MGAM: variants seen among roughly 807,000 people sequenced by gnomAD.
MGAM encodes the protein alpha-1,4-glucosidase.
In MGAM, 253 loss-of-function variants were observed where a neutral mutation model predicts 358.8. That is an observed-to-expected ratio of 0.71 (90% CI 0.64 to 0.78). The LOEUF (loss-of-function observed/expected upper bound fraction) is 0.78. Ranked by LOEUF, MGAM falls within the 30% of genes least tolerant of loss-of-function variation. The pLI is 0.00. For synonymous variants in MGAM, 1,105 were observed against 1,227.1 expected (o/e 0.90, Z 2.08); for missense variants, 3,080 against 3,432.6 (o/e 0.90, Z 2.57).
rs1815061758 is a variant in MGAM at position 142,088,820 on chromosome 7, A to AT, written c.6810+2103_6810+2104insT. ...ATCTATCATTCTATCCTATCTATGT[A>AT]CCATCTATCTATCTATCTATCTATC... On this transcript the variant is annotated intron_variant, in intron 57 of 70. Coordinates refer to ENST00000475668, the MANE Select transcript of MGAM (RefSeq NM_001365693.1). Among the ~76,000 whole-genome samples the AT allele has an allele frequency of 6.2e-5, 5 of 81,244 alleles. No homozygotes were observed. The East Asian group carries it at 1.1e-3, about 17-fold the overall frequency. The allele number at this position is 81,244 out of a possible 152,430, so 53.3% of individuals were successfully genotyped here. A position where few individuals can be genotyped will look rare whatever the true frequency, so the allele number is the denominator to read the frequency against.
At position 142,021,651 on chromosome 7, in the gene MGAM, T is replaced by C. The variant is rs373544337; in HGVS notation, c.624T>C (p.Asn208=). 8 of 1,613,970 alleles carry C rather than the reference T, an allele frequency of 5.0e-6. No individual in the cohort carries two copies. Among genetic ancestry groups the C allele is most frequent in the Non-Finnish European group, 5.9e-6 (7 of 1,179,820 alleles). ...AACACGTGCAGTCCTTCAGTGGAAA[T>C]GCTGCTGCTTCTTTGACCTACCAAG... ...PHEHVQSFSG[N]AAASLTYQVE... The change falls in exon 6 of 71, where the codon AAT becomes AAC. Residue 208 remains asparagine (N), a synonymous_variant. Transcript: ENST00000475668.
intron 19 of MGAM, among the ~76,000 whole-genome samples, chr7:142,039,390 C>T (rs1019381621): frequency 2.0e-5 from 3 of 151,824 alleles, no homozygotes; most frequent in Non-Finnish European, 4.4e-5. Flanking sequence ...TGTGAGTCAC[C>T]GCGCTTGGCC....
intron 1 of MGAM, among the ~76,000 whole-genome samples, chr7:142,003,988 GA>G (rs1459014394): frequency 2.6e-5 from 4 of 151,950 alleles, no homozygotes; most frequent in African/African-American, 9.7e-5. Context: ...AACCACAAAT[GA>G]GATGATATCT....
rs754704300 is a variant in MGAM at position 142,055,556 on chromosome 7, A to G, written c.3315-2A>G. 4 of 1,613,778 alleles carry G rather than the reference A, an allele frequency of 2.5e-6. No individual in the cohort carries two copies. Among genetic ancestry groups the G allele is most frequent in the African/African-American group, 2.7e-5 (2 of 74,900 alleles). On this transcript the variant is annotated splice_acceptor_variant, in intron 27 of 70. Transcript: ENST00000475668. LOFTEE classifies it high-confidence loss of function. ...TTTCAAATCTGCGTTTTTGTGTTTC[A>G]GTTGGGACTCTCAGCTCCTTGGCTT...
intron 60 of MGAM, among the ~76,000 whole-genome samples, chr7:142,093,897 C>T (rs1184341407): frequency 6.9e-6 from 1 of 145,380 alleles, no homozygotes; most frequent in Non-Finnish European, 1.6e-5. Context: ...GGGCATCTCT[C>T]CCCTTTATTT....
rs781998255 is a variant in MGAM, at chr7:142,031,802, T to C, written c.1584+9T>C. Reference sequence around the variant, plus strand: ...TTGATGGAATCTGGATTGTGAGTTGTTTACACTTGGATTATTAGGTGACAA... The same window carrying C: ...TTGATGGAATCTGGATTGTGAGTTGCTTACACTTGGATTATTAGGTGACAA... On this transcript the variant is annotated intron_variant, in intron 13 of 70. Coordinates refer to ENST00000475668, the MANE Select transcript of MGAM (RefSeq NM_001365693.1). 1.0e-5 allele frequency: 16 copies of C among 1,545,996 alleles called. No homozygotes were observed. Among genetic ancestry groups the C allele is most frequent in the Non-Finnish European group, 1.4e-5 (16 of 1,118,560 alleles).
In MGAM at chr7:142,084,684, C is replaced by A. The variant is rs1271940830; in HGVS notation, c.6507+40C>A. The A allele has an allele frequency of 7.1e-6, 11 of 1,539,330 alleles. 2 individuals carry two copies. Among genetic ancestry groups the A allele is most frequent in the Non-Finnish European group, 9.8e-6 (11 of 1,123,224 alleles). On this transcript the variant is annotated intron_variant, in intron 54 of 70. Coordinates refer to ENST00000475668, the MANE Select transcript of MGAM (RefSeq NM_001365693.1). Reference sequence around the variant, plus strand: ...ATGGCTCTGGAGTTTGAAAACTAACCCAGGTGCCTCTGTGTCTGGCTTCAT... The same window carrying A: ...ATGGCTCTGGAGTTTGAAAACTAACACAGGTGCCTCTGTGTCTGGCTTCAT...
rs1274519612 is a variant in MGAM at position 142,042,661 on chromosome 7, AC to A, written c.2498+1816del. 1.8e-4 allele frequency among the ~76,000 whole-genome samples: 5 copies of A among 27,708 alleles called. 1 individual carries two copies. The highest frequency in any genetic ancestry group is 9.7e-4 in the South Asian group (1 of 1,032). 18.2% of individuals were successfully genotyped at this position (27,708 alleles called of 152,430 possible). Reference sequence around the variant, plus strand: ...ATAATATATAATATATATTATATATACATATTATATATAATATATAATATAT... The same window carrying A: ...ATAATATATAATATATATTATATATAATATTATATATAATATATAATATAT... On this transcript the variant is annotated intron_variant, in intron 21 of 70. Coordinates refer to ENST00000475668, the MANE Select transcript of MGAM (RefSeq NM_001365693.1).
At chr7:142,063,650 C>G in intron 36 of MGAM, 64 bp downstream of exon 36, 2 of 1,557,864 alleles carry the variant, frequency 1.3e-6, no homozygotes, top group South Asian at 1.2e-5. Flanking sequence ...TGGAGGAGCC[C>G]GAGGCCAGGG....
At position 142,066,676 on chromosome 7, in the gene MGAM, A is replaced by T; in HGVS notation, c.4874A>T (p.Lys1625Met). The T allele has an allele frequency of 6.4e-7, 1 of 1,556,036 alleles. No individual in the cohort carries two copies. Among genetic ancestry groups the T allele is most frequent in the African/African-American group, 1.3e-5 (1 of 74,538 alleles). ...LLPYLYTLMQ[K>M]AHTEGVTVVR... ...CCATATCTGTATACCTTGATGCAAA[A>T]GGCCCACACGGAGGGCGTCACTGTT... Residue 1625 changes from lysine (K) to methionine (M), a missense_variant, in exon 41 of 71, where the codon AAG (lysine) becomes ATG (methionine). Transcript: ENST00000475668.
At chr7:142,092,761 G>A (rs1815519390) in intron 59 of MGAM, among the ~76,000 whole-genome samples, 153 bp downstream of exon 59, 1 of 146,744 alleles carries the variant, frequency 6.8e-6, no homozygotes, top group African/African-American at 2.4e-5. Flanking sequence ...CTCTGCACGC[G>A]CTTTACCCAG....
chr7:142,043,011 AAT>A (rs1339836636), intron 21 of MGAM, among the ~76,000 whole-genome samples: 1 of 96,244 alleles, frequency 1.0e-5, no homozygotes, highest in Non-Finnish European at 1.8e-5. Flanking sequence ...ATCTAAATAT[AAT>A]ATATATAAAA....
intron 70 of MGAM, among the ~76,000 whole-genome samples, chr7:142,105,472 G>C (rs1270073882): frequency 6.6e-6 from 1 of 152,040 alleles, no homozygotes; most frequent in Non-Finnish European, 1.5e-5. Flanking sequence ...ATTTTTATTA[G>C]AGCTGGGGTT....
rs1357597528 is a variant in MGAM, at chr7:142,063,594, G to T, written c.4345+8G>T. On this transcript the variant is annotated splice_region_variant and intron_variant, in intron 36 of 70. Coordinates refer to ENST00000475668, the MANE Select transcript of MGAM (RefSeq NM_001365693.1). ...ACCCTCCCTACATGCCACGTAAGAA[G>T]CCTTGGCCTCCTTGACTGGCAGAGC... The T allele has an allele frequency of 1.6e-5, 25 of 1,612,442 alleles. No individual in the cohort carries two copies. The highest frequency in any genetic ancestry group is 2.1e-5 in the Non-Finnish European group (25 of 1,179,226).
intron 1 of MGAM, among the ~76,000 whole-genome samples, chr7:142,004,729 G>C (rs1554451790): frequency 6.6e-6 from 1 of 151,950 alleles, no homozygotes; most frequent in African/African-American, 2.4e-5. Flanking sequence ...AAAAAATGCT[G>C]GTAGGAATAT....
In MGAM at chr7:142,077,834, CGAG is replaced by C. The variant is rs1449937797; in HGVS notation, c.5494-483_5494-481del. 5.5e-5 allele frequency among the ~76,000 whole-genome samples: 8 copies of C among 145,314 alleles called. 2 individuals carry two copies. The highest frequency in any genetic ancestry group is 1.1e-4 in the Non-Finnish European group (7 of 64,194). ...ATTTGTCCAATATACTACATAAATG[CGAG>C]CATGATAACCAGGTCATATGATTCT... On this transcript the variant is annotated intron_variant, in intron 47 of 70. Transcript: ENST00000475668.
chr7:142,091,417 A>G (rs531551270), intron 57 of MGAM, among the ~76,000 whole-genome samples: 1 of 146,376 alleles, frequency 6.8e-6, no homozygotes, highest in Admixed American at 6.9e-5. Context: ...TGATTCTGAA[A>G]TTGTAGAAAA....
At chr7:142,071,241 T>C in intron 44 of MGAM, 123 bp downstream of exon 44, 1 of 1,202,106 alleles carries the variant, frequency 8.3e-7, no homozygotes, top group South Asian at 1.6e-5. Context: ...ACTTGTTTTT[T>C]CTTTGTTTTG....
intron 45 of MGAM, 72 bp from the exon 46 acceptor site, chr7:142,076,131 G>A (rs1813711455): frequency 8.6e-7 from 1 of 1,166,296 alleles, no homozygotes; most frequent in Non-Finnish European, 1.3e-6. Context: ...TAACTGAAAA[G>A]AGTGGGAGTG....
Sources: allele counts gnomAD v4.1 joint callset (sites outside exome capture counted in the v4.1 genomes callset), GRCh38; gene constraint gnomAD v4.1.1; transcripts MANE v1.5; gene names NCBI Gene and HGNC (gene_info 2026-07-23, HGNC 2026-07-21).